The following PPP2R2D variants were observed in gnomAD, a reference collection of about 807,000 sequenced individuals.
The protein encoded by PPP2R2D is protein phosphatase 2 regulatory subunit Bdelta, also known as serine/threonine-protein phosphatase 2A 55 kDa regulatory subunit B delta isoform.
PPP2R2D carries 9 observed loss-of-function variants against 31.1 expected under a neutral mutation model. The ratio of observed to expected loss-of-function variants is 0.29; its 90% confidence interval spans 0.17 to 0.51. PPP2R2D has a LOEUF of 0.51. Ranked by LOEUF, PPP2R2D falls within the 20% of genes least tolerant of loss-of-function variation. PPP2R2D has a pLI of 0.98. For synonymous variants in PPP2R2D, 179 were observed against 172.6 expected (o/e 1.04, Z -0.29); for missense variants, 391 against 465.6 (o/e 0.84, Z 1.48).
At chr10:131,901,735 G>A (rs1048311002) in intron 2 of PPP2R2D, among the ~76,000 whole-genome samples, 6 of 152,170 alleles carry the variant, frequency 3.9e-5, no homozygotes, top group Admixed American at 6.5e-5. Context: ...GGGCAGCGCG[G>A]CACAATGGCC....
chr10:131,966,488 T>C, the PPP2R2D span: 1 of 152,228 alleles, frequency 6.6e-6, no homozygotes, highest in Non-Finnish European at 1.5e-5. Context: ...AAATGTCTAA[T>C]GTTACAATCT....
chr10:131,962,142 G>A (rs911694026), downstream of PPP2R2D, among the ~76,000 whole-genome samples: 2 of 152,176 alleles, frequency 1.3e-5, no homozygotes, highest in Non-Finnish European at 2.9e-5. Context: ...AACAGAAACT[G>A]GTGTCTTAAA....
downstream of PPP2R2D, among the ~76,000 whole-genome samples, chr10:131,961,711 C>T (rs2036922116): frequency 6.6e-6 from 1 of 152,212 alleles, no homozygotes; most frequent in Non-Finnish European, 1.5e-5. Context: ...TCACCTTCCG[C>T]CTTGTGTGCT....
chr10:131,925,493 G>T (rs1387356173), intron 2 of PPP2R2D, among the ~76,000 whole-genome samples: 1 of 152,122 alleles, frequency 6.6e-6, no homozygotes, highest in Non-Finnish European at 1.5e-5. Flanking sequence ...CTAGGATATG[G>T]TATACTTCTC....
downstream of PPP2R2D, among the ~76,000 whole-genome samples, chr10:131,962,861 G>A (rs1292405605): frequency 1.3e-5 from 2 of 152,202 alleles, no homozygotes; most frequent in Non-Finnish European, 2.9e-5. Context: ...TTGCCTTGGA[G>A]TTGTTAGAAA....
In PPP2R2D at chr10:131,903,531, A is replaced by G. The variant is rs1018196891; in HGVS notation, c.100+2201A>G. On this transcript the variant is annotated intron_variant, in intron 2 of 8. Transcript: ENST00000455566. ...TGTTCTCTGAATTAAACTGATGGGA[A>G]CTTTTTGCAGTTTTAAATCCCTATT... Among the ~76,000 whole-genome samples, 648 of 152,062 alleles carry G rather than the reference A, an allele frequency of 4.3e-3. 3 individuals carry two copies. Among genetic ancestry groups the G allele is most frequent in the Non-Finnish European group, 7.1e-3 (482 of 68,002 alleles).
At chr10:131,928,482 A>G (rs538692361) in intron 2 of PPP2R2D, among the ~76,000 whole-genome samples, 6 of 152,344 alleles carry the variant, frequency 3.9e-5, no homozygotes, top group South Asian at 2.1e-4. Context: ...TAAGTACTGT[A>G]TCTTTTTTGG....
intron 8 of PPP2R2D, among the ~76,000 whole-genome samples, chr10:131,952,290 CTGTCT>C (rs2036659996): frequency 1.1e-5 from 1 of 87,938 alleles, no homozygotes; most frequent in Admixed American, 1.4e-4. Flanking sequence ...CGGGGGTTCA[CTGTCT>C]TAGTGACTTG....
chr10:131,947,526 T>C lies in PPP2R2D; in HGVS notation c.821-4T>C. On this transcript the variant is annotated splice_polypyrimidine_tract_variant and splice_region_variant and intron_variant, in intron 7 of 8. Coordinates refer to ENST00000455566, the MANE Select transcript of PPP2R2D (RefSeq NM_018461.5). The surrounding 1 kb of genome is among the most constrained non-coding windows in gnomAD (Gnocchi z 4.3). ...AGCTGAAAACATTTTATTTTGTTTT[T>C]CAGTTTTTGAAGAGCCTGAAGATCC... 1.9e-6 allele frequency: 3 copies of C among 1,608,356 alleles called. No homozygotes were observed. Among genetic ancestry groups the C allele is most frequent in the Non-Finnish European group, 8.5e-7 (1 of 1,176,786 alleles).
At chr10:131,940,773 G>A (rs2036427361) in intron 5 of PPP2R2D, 79 bp downstream of exon 5, 3 of 690,508 alleles carry the variant, frequency 4.3e-6, no homozygotes, top group Non-Finnish European at 8.0e-6. Flanking sequence ...GGAGAGTGCT[G>A]CGCGGTGGAG....
chr10:131,946,193 C>G (rs1554897964), intron 7 of PPP2R2D, among the ~76,000 whole-genome samples: 3 of 152,248 alleles, frequency 2.0e-5, no homozygotes, highest in African/African-American at 7.2e-5. Flanking sequence ...AGCTGAAAGT[C>G]TAGCATTTTA....
intron 2 of PPP2R2D, among the ~76,000 whole-genome samples, chr10:131,919,846 G>A (rs1554893973): frequency 7.3e-6 from 1 of 136,104 alleles, no homozygotes; most frequent in African/African-American, 2.8e-5. Flanking sequence ...ACCTCAGGTG[G>A]GTGGAATGAC....
chr10:131,950,910 C>A (rs1453829298), intron 8 of PPP2R2D, among the ~76,000 whole-genome samples: 1 of 152,128 alleles, frequency 6.6e-6, no homozygotes, highest in Non-Finnish European at 1.5e-5. Flanking sequence ...TTAAGAAATT[C>A]AACTACATTA....
At chr10:131,952,522 CGGGTGGTTCACTGTCTT>C (rs2036674763) in intron 8 of PPP2R2D, among the ~76,000 whole-genome samples, 1 of 46,420 alleles carries the variant, frequency 2.2e-5, no homozygotes, top group Non-Finnish European at 3.6e-5. Context: ...TGTGGGTGTG[CGGGTGGTTCACTGTCTT>C]AGTGACTTGC....
Position 131,955,810 on chromosome 10 carries a change from G to A in PPP2R2D, c.1209G>A (p.Val403=), listed in dbSNP as rs559569105. ...KPRASLKPRK[V]CTGGKRRKDE... ...GCGCCAGCCTCAAACCCCGGAAGGT[G>A]TGTACGGGGGGTAAGCGGAGGAAAG... Residue 403 remains valine (V), a synonymous_variant, in exon 9 of 9, where the codon GTG becomes GTA. Coordinates refer to ENST00000455566, the MANE Select transcript of PPP2R2D (RefSeq NM_018461.5). 1.9e-6 allele frequency: 3 copies of A among 1,607,538 alleles called. No homozygotes were observed. Among genetic ancestry groups the A allele is most frequent in the African/African-American group, 2.7e-5 (2 of 74,750 alleles).
rs144043918 is a variant in PPP2R2D at position 131,947,357 on chromosome 10, C to T, written c.821-173C>T. ...ATGTCTTATCCGAAGCTCTTGCCCA[C>T]GGAAGTCACAGAAGATCAGAAAACC... On this transcript the variant is annotated intron_variant, in intron 7 of 8. Transcript: ENST00000455566. This position sits in a 1 kb window ranked among gnomAD's most constrained non-coding sequence, Gnocchi z 4.3. 6.6e-5 allele frequency among the ~76,000 whole-genome samples: 10 copies of T among 152,228 alleles called. No individual in the cohort carries two copies. The East Asian group carries it at 7.7e-4, about 12-fold the overall frequency.
intron 2 of PPP2R2D, among the ~76,000 whole-genome samples, chr10:131,933,502 C>T (rs879977189): frequency 2.6e-5 from 4 of 152,150 alleles, no homozygotes; most frequent in Non-Finnish European, 5.9e-5. Context: ...GAGACTCCCC[C>T]ACACTGCAGG....
chr10:131,922,332 C>T (rs544374880), intron 2 of PPP2R2D, among the ~76,000 whole-genome samples: 2 of 152,194 alleles, frequency 1.3e-5, no homozygotes, highest in African/African-American at 4.8e-5. Context: ...GTTAAGTATT[C>T]CTCATCACAA....
Position 131,958,461 on chromosome 10 carries a change from C to G in PPP2R2D, c.*2498C>G. The stretch of plus-strand genomic sequence containing the variant: ...GTGGGGATGAAGGTGTGTGCTGATC[C>G]CCCATCCCCCTGTGGAGATGAAGGG... On this transcript the variant is annotated 3_prime_UTR_variant, in exon 9 of 9. Transcript: ENST00000455566. 5.2e-6 allele frequency: 1 copy of G among 191,580 alleles called. No individual in the cohort carries two copies. Among genetic ancestry groups the G allele is most frequent in the Non-Finnish European group, 1.0e-5 (1 of 97,298 alleles). 11.9% of individuals were successfully genotyped at this position (191,580 alleles called of 1,614,324 possible).
Sources: gnomAD v4.1 joint callset for allele counts (sites outside exome capture counted in the v4.1 genomes callset) on GRCh38, gnomAD v4.1.1 for gene constraint, Gnocchi (gnomAD v3.1) non-coding constraint, MANE v1.5 for transcripts, NCBI Gene and HGNC (gene_info 2026-07-23, HGNC 2026-07-21) for gene names.